The following KCNQ1 variants were observed in gnomAD, a reference collection of about 807,000 sequenced individuals.
The protein encoded by KCNQ1 is potassium voltage-gated channel subfamily KQT member 1.
In KCNQ1, 49 loss-of-function variants were observed where a neutral mutation model predicts 72.4. The observed-to-expected ratio is 0.68, with a 90% confidence interval of 0.54 to 0.86. The LOEUF (loss-of-function observed/expected upper bound fraction) is 0.86. Ranked by LOEUF, KCNQ1 falls within the 40% of genes least tolerant of loss-of-function variation. The pLI is 0.00. For missense variants in KCNQ1, 790 were observed against 945.1 expected (o/e 0.84, Z 2.15); for synonymous variants, 450 against 412.6 (o/e 1.09, Z -1.10).
Position 2,552,176 on chromosome 11 carries a change from A to G in KCNQ1, c.478-18452A>G, listed in dbSNP as rs1294905417. ...TGTTCTGTCTAAGAAATATTCGCCT[A>G]ATCCAAGATTACAAAGTTTTTTCTC... On this transcript the variant is annotated intron_variant, in intron 2 of 15. Transcript: ENST00000155840. Among the ~76,000 whole-genome samples the G allele has an allele frequency of 5.3e-5, 8 of 152,142 alleles. No individual in the cohort carries two copies. The East Asian group carries it at 1.5e-3, about 29-fold the overall frequency.
In KCNQ1 at chr11:2,690,959, G is replaced by A; in HGVS notation, c.1514+28878G>A. ...CTGAAAGGTTCATTTGGGAGTCACGGGTATGTGTCAACAAAAGCCCACCAG... is the reference window on the plus strand; with the variant it reads ...CTGAAAGGTTCATTTGGGAGTCACGAGTATGTGTCAACAAAAGCCCACCAG... On this transcript the variant is annotated intron_variant, in intron 11 of 15. Coordinates refer to ENST00000155840, the MANE Select transcript of KCNQ1 (RefSeq NM_000218.3). This position sits in a 1 kb window ranked among gnomAD's most constrained non-coding sequence, Gnocchi z 5.1. 2.5e-6 allele frequency: 1 copy of A among 398,626 alleles called. No homozygotes were observed. Among genetic ancestry groups the A allele is most frequent in the Non-Finnish European group, 4.4e-6 (1 of 226,080 alleles). The allele number at this position is 398,626 out of a possible 1,614,324, so 24.7% of individuals were successfully genotyped here. A position where few individuals can be genotyped will look rare whatever the true frequency, so the allele number is the denominator to read the frequency against.
chr11:2,540,464 T>C (rs1847806547), intron 2 of KCNQ1, among the ~76,000 whole-genome samples: 1 of 152,156 alleles, frequency 6.6e-6, no homozygotes, highest in African/African-American at 2.4e-5. Context: ...TCCCACGAGA[T>C]TTTCTTTCTC....
In KCNQ1 at chr11:2,674,832, TAAAAAAAAAA is replaced by T. The variant is rs34219164; in HGVS notation, c.1514+12770_1514+12779del. ...GCTTGTCACCCTAATAGCTGTTTTT[TAAAAAAAAAA>T]AAAAAAAAAAAAAAAAAAGCTCACT... On this transcript the variant is annotated intron_variant, in intron 11 of 15. Transcript: ENST00000155840. The surrounding 1 kb of genome is among the most constrained non-coding windows in gnomAD (Gnocchi z 5.9). 12 of 303,898 alleles carry T rather than the reference TAAAAAAAAAA, an allele frequency of 3.9e-5. No individual in the cohort carries two copies. Among genetic ancestry groups the T allele is most frequent in the Middle Eastern group, 7.8e-4 (1 of 1,286 alleles). 18.8% of individuals were successfully genotyped at this position (303,898 alleles called of 1,614,324 possible).
intron 10 of KCNQ1, among the ~76,000 whole-genome samples, chr11:2,605,342 G>A (rs1055921243): frequency 2.6e-5 from 4 of 151,990 alleles, no homozygotes; most frequent in Non-Finnish European, 4.4e-5. Flanking sequence ...GTTCTTTGGT[G>A]TTATATCTAA....
rs1297648355 is a variant in KCNQ1, at chr11:2,647,257, G to T, written c.1394-14704G>T. The T allele has an allele frequency of 5.5e-5, 22 of 398,208 alleles. No homozygotes were observed. Among genetic ancestry groups the T allele is most frequent in the Non-Finnish European group, 8.9e-6 (2 of 225,988 alleles). 24.7% of individuals were successfully genotyped at this position (398,208 alleles called of 1,614,324 possible). A position where few individuals can be genotyped will look rare whatever the true frequency, so the allele number is the denominator to read the frequency against. ...CATGTATTTTTTTGTCCTTCCTTCT[G>T]TTAATGTGATGTATCACATTTATTG... On this transcript the variant is annotated intron_variant, in intron 10 of 15. Transcript: ENST00000155840. The surrounding 1 kb of genome is among the most constrained non-coding windows in gnomAD (Gnocchi z 4.0).
intron 6 of KCNQ1, among the ~76,000 whole-genome samples, chr11:2,575,281 C>T (rs1848405577): frequency 6.6e-6 from 1 of 152,202 alleles, no homozygotes; most frequent in African/African-American, 2.4e-5. Context: ...CCGGCCCACA[C>T]CGTCAGCTGC....
At chr11:2,502,004 C>T (rs76924247) in intron 1 of KCNQ1, among the ~76,000 whole-genome samples, 556 of 152,232 alleles carry the variant, frequency 3.7e-3, no homozygotes, top group Middle Eastern at 6.8e-3. Flanking sequence ...ATCCCTTCAA[C>T]ATAAAAACTG....
At chr11:2,802,555 GGCAGCCACCCTGCCTCTCAGGA>G (rs1410829178) in intron 15 of KCNQ1, among the ~76,000 whole-genome samples, 1 of 152,190 alleles carries the variant, frequency 6.6e-6, no homozygotes, top group Admixed American at 6.5e-5. Flanking sequence ...CCGTGGCTCT[GGCAGCCACCCTGCCTCTCAGGA>G]GCCAGCCTAG....
intron 1 of KCNQ1, among the ~76,000 whole-genome samples, chr11:2,506,808 A>G (rs1847112581): frequency 1.3e-5 from 2 of 152,148 alleles, no homozygotes; most frequent in Non-Finnish European, 1.5e-5. Context: ...TTTAATCTGT[A>G]TTTCTGTAAT....
At chr11:2,655,651 G>C (rs1478506936) in intron 10 of KCNQ1, 2 of 398,580 alleles carry the variant, frequency 5.0e-6, no homozygotes, top group African/African-American at 4.1e-5. Flanking sequence ...GGCAGCACCA[G>C]TGTGTCTGGA....
chr11:2,545,753 T>G (rs1847895384), intron 2 of KCNQ1, among the ~76,000 whole-genome samples: 1 of 152,192 alleles, frequency 6.6e-6, no homozygotes, highest in East Asian at 1.9e-4. Flanking sequence ...TGGTATTTTG[T>G]GTATTTGAAA....
chr11:2,699,127 C>G (rs1459461433), intron 11 of KCNQ1: 1 of 398,656 alleles, frequency 2.5e-6, no homozygotes, highest in Non-Finnish European at 4.4e-6. Context: ...GATGCGGATT[C>G]CAGACTCCAA....
rs913581924 is a variant in KCNQ1, at chr11:2,603,023, A to G, written c.1393+14169A>G. ...TCTTCTGCTATAGCTTTTTTCTAAC[A>G]GCCTTGTGGAGATATAGTTTACATA... On this transcript the variant is annotated intron_variant, in intron 10 of 15. Coordinates refer to ENST00000155840, the MANE Select transcript of KCNQ1 (RefSeq NM_000218.3). This position sits in a 1 kb window ranked among gnomAD's most constrained non-coding sequence, Gnocchi z 4.1. Among the ~76,000 whole-genome samples, 1 of 152,180 alleles carries G rather than the reference A, an allele frequency of 6.6e-6. No homozygotes were observed. Among genetic ancestry groups the G allele is most frequent in the Non-Finnish European group, 1.5e-5 (1 of 68,034 alleles).
intron 15 of KCNQ1, among the ~76,000 whole-genome samples, chr11:2,833,361 C>T (rs1847992437): frequency 6.6e-6 from 1 of 152,210 alleles, no homozygotes; most frequent in South Asian, 2.1e-4. Context: ...CCACATGCCC[C>T]ACCCCTCTCC....
rs1393158614 is a variant in KCNQ1, at chr11:2,652,724, A to C, written c.1394-9237A>C. The C allele has an allele frequency of 2.5e-6, 1 of 398,648 alleles. No individual in the cohort carries two copies. The highest frequency in any genetic ancestry group is 4.4e-6 in the Non-Finnish European group (1 of 226,296). 24.7% of individuals were successfully genotyped at this position (398,648 alleles called of 1,614,324 possible). ...CTCTTTCCGTTTCCTGGGCTCACTC[A>C]CGCTCAGGGTTGACCCTGTCCTGGC... On this transcript the variant is annotated intron_variant, in intron 10 of 15. Transcript: ENST00000155840. This position sits in a 1 kb window ranked among gnomAD's most constrained non-coding sequence, Gnocchi z 5.9.
chr11:2,495,521 A>G lies in KCNQ1; in HGVS notation c.387-32407A>G, dbSNP rs370886933. 6.6e-6 allele frequency among the ~76,000 whole-genome samples: 1 copy of G among 152,212 alleles called. No individual in the cohort carries two copies. The highest frequency in any genetic ancestry group is 2.1e-4 in the South Asian group (1 of 4,834). On this transcript the variant is annotated intron_variant, in intron 1 of 15. Coordinates refer to ENST00000155840, the MANE Select transcript of KCNQ1 (RefSeq NM_000218.3). This position sits in a 1 kb window ranked among gnomAD's most constrained non-coding sequence, Gnocchi z 4.6. ...ACACTGCTTTAGCTGTGTCCCAGAA[A>G]TTCTGGTACGTTGTCTCTTTGTTTT...
intron 4 of KCNQ1, 88 bp from the exon 5 acceptor site, chr11:2,571,925 G>T (rs989066809): frequency 9.2e-7 from 1 of 1,088,738 alleles, no homozygotes. Context: ...CAGGGGCAGG[G>T]ACACCCATGC....
chr11:2,552,626 G>A (rs1353181767), intron 2 of KCNQ1, among the ~76,000 whole-genome samples: 2 of 152,116 alleles, frequency 1.3e-5, no homozygotes, highest in African/African-American at 2.4e-5. Flanking sequence ...GCATTGCATT[G>A]GATATGTAGA....
chr11:2,557,014 G>A (rs889071537), intron 2 of KCNQ1, among the ~76,000 whole-genome samples: 4 of 152,270 alleles, frequency 2.6e-5, no homozygotes, highest in Non-Finnish European at 4.4e-5. Context: ...TTGAAAGACA[G>A]AGAAGGCCGT....
Sources: allele counts gnomAD v4.1 joint callset (sites outside exome capture counted in the v4.1 genomes callset), GRCh38; gene constraint gnomAD v4.1.1; non-coding constraint Gnocchi (gnomAD v3.1); transcripts MANE v1.5; gene names NCBI Gene and HGNC (gene_info 2026-07-23, HGNC 2026-07-21).